INTS9: variants seen among roughly 807,000 people sequenced by gnomAD.
INTS9 encodes protein related to CPSF subunits of 74 kDa.
In INTS9, 55 loss-of-function variants were observed where a neutral mutation model predicts 79.7. The observed-to-expected ratio is 0.69, with a 90% CI of 0.56 to 0.86. The LOEUF (loss-of-function observed/expected upper bound fraction) is 0.86. INTS9 is among the 40% of genes least tolerant of loss of function. INTS9 has a pLI of 0.00. For synonymous variants in INTS9, 319 were observed against 325.2 expected, an observed-to-expected ratio of 0.98 and a Z score of 0.20; for missense variants, 721 against 831.5, an observed-to-expected ratio of 0.87 and a Z score of 1.64.
chr8:28,832,820 G>C lies in INTS9; in HGVS notation c.488+2472C>G, dbSNP rs1483086695. Among the ~76,000 whole-genome samples the C allele has an allele frequency of 4.6e-5, 7 of 152,056 alleles. No homozygotes were observed. In the East Asian group the frequency reaches 1.4e-3, roughly 29 times the overall value. On this transcript the variant is annotated intron_variant, in intron 6 of 16. Transcript: ENST00000521022. ...CTACTAAAAATACAAAAATTAGCTG[G>C]GCATGGTGGCGCTCACCTGTGGTCC...
intron 12 of INTS9, among the ~76,000 whole-genome samples, chr8:28,779,591 C>T (rs1385895167): frequency 6.6e-6 from 1 of 152,148 alleles, no homozygotes; most frequent in African/African-American, 2.4e-5. Context: ...GTTAAGAAAC[C>T]CATCGCAGAA....
At chr8:28,795,854 A>G (rs1804188420) in intron 9 of INTS9, among the ~76,000 whole-genome samples, 2 of 152,202 alleles carry the variant, frequency 1.3e-5, no homozygotes, top group African/African-American at 4.8e-5. Flanking sequence ...ACAGTAACCA[A>G]CCTATTTGTC....
At chr8:28,883,384 T>C (rs974698901) in intron 1 of INTS9, among the ~76,000 whole-genome samples, 3 of 152,214 alleles carry the variant, frequency 2.0e-5, no homozygotes, top group South Asian at 4.1e-4. Flanking sequence ...TAAACACGGA[T>C]GAAGTCTATA....
intron 10 of INTS9, among the ~76,000 whole-genome samples, chr8:28,788,701 G>A (rs1340649179): frequency 6.6e-6 from 1 of 152,214 alleles, no homozygotes; most frequent in African/African-American, 2.4e-5. Context: ...TTACAGGCGT[G>A]AGCCACTGTG....
chr8:28,791,383 T>C lies in INTS9; in HGVS notation c.1037+2424A>G, dbSNP rs114620052. Among the ~76,000 whole-genome samples, 421 of 152,242 alleles carry C rather than the reference T, an allele frequency of 2.8e-3. 1 individual carries two copies. The highest frequency in any genetic ancestry group is 9.7e-3 in the African/African-American group (401 of 41,552). ...TTCATACTGTAACAATAAAGAACTA[T>C]GGATAGTTCTCTGAACAAACCAAAC... On this transcript the variant is annotated intron_variant, in intron 10 of 16. Transcript: ENST00000521022.
intron 6 of INTS9, 83 bp downstream of exon 6, chr8:28,835,209 C>T (rs1197387873): frequency 1.3e-5 from 11 of 827,430 alleles, no homozygotes; most frequent in Non-Finnish European, 2.2e-5. Context: ...ATTGTTTAAG[C>T]ATAGAGGAAG....
At chr8:28,821,079 G>A (rs1372131817) in intron 6 of INTS9, among the ~76,000 whole-genome samples, 1 of 152,060 alleles carries the variant, frequency 6.6e-6, no homozygotes, top group Non-Finnish European at 1.5e-5. Flanking sequence ...GGCAATTTAG[G>A]GCAGAGAATG....
intron 1 of INTS9, among the ~76,000 whole-genome samples, chr8:28,882,325 C>G (rs1461446073): frequency 7.2e-5 from 8 of 111,556 alleles, no homozygotes; most frequent in Admixed American, 9.8e-5. Context: ...TGCGGAAGGC[C>G]GAAGGCCGCA....
intron 6 of INTS9, among the ~76,000 whole-genome samples, chr8:28,818,938 G>A (rs1446041223): frequency 7.9e-5 from 12 of 152,044 alleles, no homozygotes; most frequent in South Asian, 2.1e-4. Context: ...GTTTATTTGC[G>A]TAGAGGTTTT....
chr8:28,784,335 C>T (rs1803464813), intron 11 of INTS9, among the ~76,000 whole-genome samples: 1 of 152,228 alleles, frequency 6.6e-6, no homozygotes, highest in African/African-American at 2.4e-5. Context: ...GGAAGCAAAA[C>T]AGACATTCAA....
intron 1 of INTS9, among the ~76,000 whole-genome samples, chr8:28,872,579 T>C (rs1438849614): frequency 6.6e-6 from 1 of 152,008 alleles, no homozygotes; most frequent in Non-Finnish European, 1.5e-5. Context: ...TACACAACTT[T>C]CTCAAAGTGT....
In INTS9 at chr8:28,769,934, C is replaced by G. The variant is rs1004330786; in HGVS notation, c.1755G>C (p.Leu585Phe). The G allele has an allele frequency of 1.2e-6, 2 of 1,614,120 alleles. No individual in the cohort carries two copies. The highest frequency in any genetic ancestry group is 1.7e-6 in the Non-Finnish European group (2 of 1,180,052). The change falls in exon 16 of 17, where the codon TTG becomes TTC. Residue 585 changes from leucine to phenylalanine, a missense_variant. Leu to Phe is a conservative substitution (Grantham distance 22). Transcript: ENST00000521022. ...VPDCKVLKPL[L>F]SGSIPVEQFV... ...ACTGCTCCACAGGGATGGAACCGCTCAACAAAGGCTTCAGGACTTTGCAGT... is the reference window on the plus strand; with the variant it reads ...ACTGCTCCACAGGGATGGAACCGCTGAACAAAGGCTTCAGGACTTTGCAGT...
chr8:28,771,205 T>G (rs1238064757), intron 14 of INTS9, 125 bp from the exon 15 acceptor site: 1 of 791,698 alleles, frequency 1.3e-6, no homozygotes, highest in South Asian at 1.5e-5. Flanking sequence ...ACAATTTTTT[T>G]TTTTTTGAGA....
intron 6 of INTS9, among the ~76,000 whole-genome samples, chr8:28,822,128 C>A: frequency 6.6e-6 from 1 of 151,822 alleles, no homozygotes; most frequent in Admixed American, 6.6e-5. Context: ...AATATTACAG[C>A]AGGAATGAAA....
At chr8:28,853,683 G>A (rs563311757) in intron 2 of INTS9, among the ~76,000 whole-genome samples, 1 of 152,146 alleles carries the variant, frequency 6.6e-6, no homozygotes, top group East Asian at 1.9e-4. Context: ...GTCGAACTTT[G>A]TAATCATTAA....
chr8:28,812,599 A>G, intron 7 of INTS9, 138 bp from the exon 8 acceptor site: 1 of 935,952 alleles, frequency 1.1e-6, no homozygotes, highest in South Asian at 1.8e-5. Context: ...GACTGGGTGC[A>G]ATGGCTCACG....
At chr8:28,807,808 C>T (rs1182453892) in intron 8 of INTS9, among the ~76,000 whole-genome samples, 1 of 152,140 alleles carries the variant, frequency 6.6e-6, no homozygotes, top group Non-Finnish European at 1.5e-5. Flanking sequence ...CAGCCTTATA[C>T]AAGACAAGGA....
intron 1 of INTS9, among the ~76,000 whole-genome samples, chr8:28,873,977 T>G (rs967755668): frequency 2.0e-5 from 3 of 152,210 alleles, no homozygotes; most frequent in Non-Finnish European, 4.4e-5. Context: ...TTTTGCCCCC[T>G]GGTGTATTTG....
intron 6 of INTS9, 46 bp from the exon 7 acceptor site, chr8:28,813,658 T>G: frequency 6.2e-7 from 1 of 1,604,712 alleles, no homozygotes; most frequent in Non-Finnish European, 8.5e-7. Context: ...CATTTCTTCA[T>G]GTTCTACAGC....
Sources: gnomAD v4.1 joint callset for allele counts (sites outside exome capture counted in the v4.1 genomes callset) on GRCh38, gnomAD v4.1.1 for gene constraint, MANE v1.5 for transcripts, NCBI Gene and HGNC (gene_info 2026-07-23, HGNC 2026-07-21) for gene names.